Variants in MACF1 observed in about 807,000 individuals in gnomAD.
MACF1 encodes microtubule-actin cross-linking factor 1.
MACF1 carries 193 observed loss-of-function variants against 854.8 expected under a neutral mutation model. The ratio of observed to expected loss-of-function variants is 0.23; its 90% CI spans 0.20 to 0.25. The LOEUF (loss-of-function observed/expected upper bound fraction) is 0.25, where lower values mean the gene tolerates loss of function less well. Among genes scored for constraint, MACF1 ranks in the 10% least tolerant of loss-of-function variants. The pLI is 1.00. For missense variants in MACF1, 7,722 were observed against 8,929.1 expected (o/e 0.86, Z 5.45); for synonymous variants, 3,185 against 3,226.7 (o/e 0.99, Z 0.44).
rs1380225639 is a variant in MACF1 at position 39,444,683 on chromosome 1, G to A, written c.19453G>A (p.Ala6485Thr). 6.2e-7 allele frequency: 1 copy of A among 1,612,232 alleles called. No individual in the cohort carries two copies. Among genetic ancestry groups the A allele is most frequent in the Non-Finnish European group, 8.5e-7 (1 of 1,179,144 alleles). ...GTAGGAACTCTATTCCCAGCTGAAA[G>A]CCAAGGAAGAGACTTATAATCAACT... ...THMELYSQLK[A>T]KEETYNQLLD... The change falls in exon 80 of 101, where the codon GCC becomes ACC. Residue 6485 changes from alanine to threonine, a missense_variant. This residue lies in a region of MACF1 where 729 missense variants were observed against 900.5 expected (regional missense o/e 0.81). Coordinates refer to ENST00000564288, the MANE Select transcript of MACF1 (RefSeq NM_001394062.1).
At chr1:39,133,498 T>A (rs909273728) in intron 2 of MACF1, among the ~76,000 whole-genome samples, 14 of 151,812 alleles carry the variant, frequency 9.2e-5, no homozygotes, top group African/African-American at 3.2e-4. Flanking sequence ...TTTCTTTTCT[T>A]CTCTTTTCTC....
In MACF1 at chr1:39,422,735, A is replaced by G. The variant is rs745408493; in HGVS notation, c.15984A>G (p.Ala5328=). The G allele has an allele frequency of 1.7e-5, 27 of 1,613,870 alleles. No homozygotes were observed. Among genetic ancestry groups the G allele is most frequent in the Non-Finnish European group, 2.2e-5 (26 of 1,179,812 alleles). Reference sequence around the variant, plus strand: ...CCTACATGTTCATGATACAGGTCGCACAAAGAATTGCACAGCTACAGGAAG... The same window carrying G: ...CCTACATGTTCATGATACAGGTCGCGCAAAGAATTGCACAGCTACAGGAAG... ...ARWNTLNKKV[A]QRIAQLQEAL... Residue 5328 remains alanine (A), a synonymous_variant, in exon 60 of 101, where the codon GCA becomes GCG. Coordinates refer to ENST00000564288, the MANE Select transcript of MACF1 (RefSeq NM_001394062.1).
chr1:39,244,337 A>G (rs1644958513), intron 2 of MACF1, among the ~76,000 whole-genome samples: 1 of 151,972 alleles, frequency 6.6e-6, no homozygotes, highest in Admixed American at 6.6e-5. Context: ...GTTGGAGTGC[A>G]GTGTCGTGAT....
chr1:39,466,791 GC>G (rs1644678413), intron 95 of MACF1, among the ~76,000 whole-genome samples: 1 of 152,182 alleles, frequency 6.6e-6, no homozygotes, highest in Admixed American at 6.5e-5. Flanking sequence ...ACCACACAGT[GC>G]TTTTGCTGCA....
chr1:39,293,711 G>C (rs766658806), intron 18 of MACF1, 92 bp downstream of exon 18: 30 of 1,273,584 alleles, frequency 2.4e-5, no homozygotes, highest in Admixed American at 6.4e-5. Context: ...GGTGGCTGGA[G>C]TTGCACTCTG....
At chr1:39,484,042 A>G (rs1645062418) in intron 99 of MACF1, among the ~76,000 whole-genome samples, 1 of 152,266 alleles carries the variant, frequency 6.6e-6, no homozygotes, top group African/African-American at 2.4e-5. Context: ...AGTCCCAGCT[A>G]CTTCGGAGGC....
At chr1:39,362,813 A>G (rs1045175410) in intron 49 of MACF1, among the ~76,000 whole-genome samples, 1 of 151,866 alleles carries the variant, frequency 6.6e-6, no homozygotes, top group Admixed American at 6.6e-5. Flanking sequence ...TTTTTAATAG[A>G]TAGTGTTAGG....
At chr1:39,441,357 T>A in intron 74 of MACF1, 32 bp downstream of exon 74, 2 of 1,559,364 alleles carry the variant, frequency 1.3e-6, no homozygotes, top group Non-Finnish European at 1.8e-6. Flanking sequence ...ACCAAGGAAA[T>A]ACAGGTTCTG....
At chr1:39,286,675 C>T (rs554258510) in intron 14 of MACF1, among the ~76,000 whole-genome samples, 62 of 150,508 alleles carry the variant, frequency 4.1e-4, no homozygotes, top group Non-Finnish European at 7.4e-4. Context: ...CCATGTTGGC[C>T]AGGCTGGTCT....
chr1:39,435,956 G>A, intron 70 of MACF1, 195 bp downstream of exon 70: 1 of 575,760 alleles, frequency 1.7e-6, no homozygotes, highest in Non-Finnish European at 3.1e-6. Context: ...TCTAAGGAGA[G>A]TGAAATGAGT....
At chr1:39,159,213 A>C (rs1382267213) in intron 2 of MACF1, among the ~76,000 whole-genome samples, 1 of 152,244 alleles carries the variant, frequency 6.6e-6, no homozygotes, top group African/African-American at 2.4e-5. Flanking sequence ...GAATCTCCTT[A>C]GGTACTTCAG....
intron 2 of MACF1, among the ~76,000 whole-genome samples, chr1:39,150,205 A>T (rs925398053): frequency 4.6e-5 from 7 of 152,244 alleles, no homozygotes; most frequent in Middle Eastern, 3.4e-3. Flanking sequence ...TTTTTACTAG[A>T]GATGGGGTTT....
At position 39,317,520 on chromosome 1, in the gene MACF1, G is replaced by A. The variant is rs996883524; in HGVS notation, c.3782+113G>A. ...TAAAGGTGGAAATGGATAGGGAGGGGTGGAAATTTAAAAACCACATAAATT... is the reference window on the plus strand; with the variant it reads ...TAAAGGTGGAAATGGATAGGGAGGGATGGAAATTTAAAAACCACATAAATT... On this transcript the variant is annotated intron_variant, in intron 29 of 100. Coordinates refer to ENST00000564288, the MANE Select transcript of MACF1 (RefSeq NM_001394062.1). 8 of 1,217,248 alleles carry A rather than the reference G, an allele frequency of 6.6e-6. No individual in the cohort carries two copies. The East Asian group carries it at 7.6e-5, about 12-fold the overall frequency. The allele number at this position is 1,217,248 out of a possible 1,614,324, so 75.4% of individuals were successfully genotyped here. A position where few individuals can be genotyped will look rare whatever the true frequency, so the allele number is the denominator to read the frequency against.
intron 26 of MACF1, among the ~76,000 whole-genome samples, chr1:39,314,563 TCTCTCTCACACACACACA>T (rs1646371922): frequency 2.3e-5 from 1 of 43,880 alleles, no homozygotes; most frequent in Admixed American, 4.6e-4. Flanking sequence ...TCTCTCTCTC[TCTCTCTCACACACACACA>T]CACACACACA....
chr1:39,420,097 A>C (rs1643477838), intron 58 of MACF1, among the ~76,000 whole-genome samples: 1 of 152,240 alleles, frequency 6.6e-6, no homozygotes. Flanking sequence ...AAACGTGGCT[A>C]GTGGGTCTGA....
At chr1:39,431,883 A>G (rs1374953797) in intron 66 of MACF1, among the ~76,000 whole-genome samples, 2 of 152,114 alleles carry the variant, frequency 1.3e-5, no homozygotes, top group African/African-American at 4.8e-5. Flanking sequence ...GGCTGAGGTG[A>G]AAGGATCACT....
chr1:39,119,387 T>G (rs1642635784), intron 2 of MACF1, among the ~76,000 whole-genome samples: 4 of 151,306 alleles, frequency 2.6e-5, no homozygotes, highest in Admixed American at 2.6e-4. Flanking sequence ...TGTAATTCCT[T>G]AAGCCAAAAC....
intron 58 of MACF1, among the ~76,000 whole-genome samples, chr1:39,393,438 C>T (rs1402936410): frequency 6.6e-6 from 1 of 151,680 alleles, no homozygotes; most frequent in Non-Finnish European, 1.5e-5. Context: ...CCTTCATTCA[C>T]TTGTTTTTCA....
intron 51 of MACF1, among the ~76,000 whole-genome samples, chr1:39,371,612 C>G (rs74066767): frequency 6.6e-6 from 1 of 152,042 alleles, no homozygotes; most frequent in Non-Finnish European, 1.5e-5. Context: ...TGTTTCCTGA[C>G]GGATTTCTGT....
Sources: allele counts gnomAD v4.1 joint callset (sites outside exome capture counted in the v4.1 genomes callset), GRCh38; gene constraint gnomAD v4.1.1; regional missense constraint gnomAD v4.1.1; transcripts MANE v1.5; gene names NCBI Gene and HGNC (gene_info 2026-07-23, HGNC 2026-07-21).